Variants in TESC observed in about 807,000 individuals in gnomAD.
The protein encoded by TESC is tescalcin.
TESC carries 19 observed loss-of-function variants against 31.0 expected under a neutral mutation model. The observed-to-expected ratio is 0.61, with a 90% CI of 0.43 to 0.90. The LOEUF (loss-of-function observed/expected upper bound fraction) is 0.90, where lower values mean the gene tolerates loss of function less well. TESC is among the 40% of genes least tolerant of loss of function. The pLI is 0.00. For missense variants in TESC, 248 were observed against 303.8 expected (o/e 0.82, Z 1.36); for synonymous variants, 109 against 114.8 (o/e 0.95, Z 0.32).
chr12:117,066,768 C>T (rs1954890538), intron 2 of TESC, among the ~76,000 whole-genome samples: 1 of 152,094 alleles, frequency 6.6e-6, no homozygotes, highest in Non-Finnish European at 1.5e-5. Context: ...AGTGCCCCAG[C>T]AGGGGAAGGG....
chr12:117,049,903 G>GA (rs66797686), intron 3 of TESC, among the ~76,000 whole-genome samples: 1,107 of 86,446 alleles, frequency 0.013, 8 homozygotes, highest in East Asian at 0.044. Context: ...CCTGTCTCAA[G>GA]AAAAAAAAAA....
At chr12:117,081,875 G>T (rs2135793112) in intron 1 of TESC, among the ~76,000 whole-genome samples, 1 of 151,994 alleles carries the variant, frequency 6.6e-6, no homozygotes, top group South Asian at 2.1e-4. Flanking sequence ...CTGCACTCCA[G>T]CCTGGGCAAC....
intron 2 of TESC, among the ~76,000 whole-genome samples, chr12:117,073,835 C>A (rs1488661938): frequency 6.6e-6 from 1 of 152,144 alleles, no homozygotes; most frequent in Non-Finnish European, 1.5e-5. Context: ...ATCCCAGCCA[C>A]TCAGGAGGCT....
chr12:117,094,254 G>A (rs1444001594), intron 1 of TESC, among the ~76,000 whole-genome samples: 8 of 152,224 alleles, frequency 5.3e-5, no homozygotes, highest in Admixed American at 5.2e-4. Flanking sequence ...GCAGGGAGAA[G>A]GAAGGTGGGC....
chr12:117,093,141 T>C (rs547057324), intron 1 of TESC, among the ~76,000 whole-genome samples: 55 of 152,274 alleles, frequency 3.6e-4, no homozygotes, highest in African/African-American at 1.3e-3. Context: ...TATGCTACAG[T>C]TGTTGGGGTG....
intron 2 of TESC, among the ~76,000 whole-genome samples, chr12:117,060,103 TA>T (rs1954781843): frequency 6.6e-6 from 1 of 152,226 alleles, no homozygotes; most frequent in African/African-American, 2.4e-5. Context: ...TGAGGTGCTC[TA>T]AAGTGGACTG....
At chr12:117,041,863 G>T in intron 7 of TESC, 84 bp downstream of exon 7, 1 of 1,393,960 alleles carries the variant, frequency 7.2e-7, no homozygotes. Flanking sequence ...GCTACTGCAG[G>T]TAAAGAGCCA....
At position 117,039,061 on chromosome 12, in the gene TESC, C is replaced by G; in HGVS notation, c.*72G>C. 1 of 1,555,270 alleles carries G rather than the reference C, an allele frequency of 6.4e-7. No individual in the cohort carries two copies. Among genetic ancestry groups the G allele is most frequent in the Non-Finnish European group, 8.8e-7 (1 of 1,141,088 alleles). On this transcript the variant is annotated 3_prime_UTR_variant, in exon 8 of 8. Coordinates refer to ENST00000335209, the MANE Select transcript of TESC (RefSeq NM_017899.4). ...TGCAGGAAGAGGCTGTCCGCCGGGC[C>G]TGGGCTGCTCCAGCTACGCGGGGAG...
intron 7 of TESC, among the ~76,000 whole-genome samples, chr12:117,041,304 A>G (rs1420061042): frequency 2.0e-5 from 3 of 152,034 alleles, no homozygotes. Context: ...AGACACAGAA[A>G]GTTCCCAGAA....
intron 3 of TESC, among the ~76,000 whole-genome samples, chr12:117,052,468 G>A (rs1565961484): frequency 6.6e-6 from 1 of 152,306 alleles, no homozygotes; most frequent in Middle Eastern, 3.4e-3. Flanking sequence ...TCTGGGTGCA[G>A]GCCAGAGGAA....
intron 1 of TESC, among the ~76,000 whole-genome samples, chr12:117,091,373 T>G (rs140448985): frequency 6.6e-6 from 1 of 152,250 alleles, no homozygotes; most frequent in African/African-American, 2.4e-5. Flanking sequence ...GAAGAGCATC[T>G]TATCAACACC....
At chr12:117,089,272 GA>G (rs1250867416) in intron 1 of TESC, among the ~76,000 whole-genome samples, 1 of 152,168 alleles carries the variant, frequency 6.6e-6, no homozygotes, top group Non-Finnish European at 1.5e-5. Context: ...AAAAGCTTGA[GA>G]CACCTAGCAC....
intron 1 of TESC, among the ~76,000 whole-genome samples, chr12:117,075,913 A>ATATATATATATATATATGTG: frequency 1.9e-5 from 1 of 51,952 alleles, no homozygotes; most frequent in East Asian, 4.7e-4. Context: ...ATATATATAT[A>ATATATATATATATATATGTG]TGTGTGTGTG....
chr12:117,040,602 G>C lies in TESC; in HGVS notation c.567+1345C>G, dbSNP rs188763208. On this transcript the variant is annotated intron_variant, in intron 7 of 7. Coordinates refer to ENST00000335209, the MANE Select transcript of TESC (RefSeq NM_017899.4). ...GCTCTGGCGGGCGTCACCTTCTCTG[G>C]TGACCGGGTCCCCAGCATAGGCCAG... Among the ~76,000 whole-genome samples, 621 of 152,092 alleles carry C rather than the reference G, an allele frequency of 4.1e-3. 6 individuals carry two copies. The highest frequency in any genetic ancestry group is 4.8e-3 in the Non-Finnish European group (327 of 67,974).
chr12:117,085,280 T>G (rs7959940), intron 1 of TESC, among the ~76,000 whole-genome samples: 29,137 of 151,994 alleles, frequency 0.19, 3,810 homozygotes, highest in African/African-American at 0.37. Flanking sequence ...CATCTATCAG[T>G]CCAGGACATT....
At position 117,062,833 on chromosome 12, in the gene TESC, G is replaced by GA. The variant is rs760808635; in HGVS notation, c.129-5948_129-5947insT. Among the ~76,000 whole-genome samples, 246 of 152,350 alleles carry GA rather than the reference G, an allele frequency of 1.6e-3. 2 individuals carry two copies. In the Middle Eastern group the frequency reaches 0.017, roughly 11 times the overall value. ...GCTTTTCTAAAGGTGTCGCAGCCCAGGCTGCAGCCATGGGAACAGGCTCTG... is the reference window on the plus strand; with the variant it reads ...GCTTTTCTAAAGGTGTCGCAGCCCAGAGCTGCAGCCATGGGAACAGGCTCTG... On this transcript the variant is annotated intron_variant, in intron 2 of 7. Coordinates refer to ENST00000335209, the MANE Select transcript of TESC (RefSeq NM_017899.4).
intron 1 of TESC, among the ~76,000 whole-genome samples, chr12:117,096,014 T>G (rs1382106683): frequency 6.6e-6 from 1 of 152,188 alleles, no homozygotes; most frequent in Non-Finnish European, 1.5e-5. Context: ...TTTCCTCACC[T>G]GTAAAATGGC....
chr12:117,044,406 G>T (rs1361060441), intron 6 of TESC, among the ~76,000 whole-genome samples: 1 of 152,190 alleles, frequency 6.6e-6, no homozygotes, highest in African/African-American at 2.4e-5. Flanking sequence ...TCCCTGCCGG[G>T]CCTCCCTAGG....
At chr12:117,050,898 C>T (rs1954639377) in intron 3 of TESC, among the ~76,000 whole-genome samples, 1 of 152,242 alleles carries the variant, frequency 6.6e-6, no homozygotes, top group Non-Finnish European at 1.5e-5. Flanking sequence ...GCACTCCAGC[C>T]TGGGTGGCTA....
Sources: gnomAD v4.1 joint callset for allele counts (sites outside exome capture counted in the v4.1 genomes callset) on GRCh38, gnomAD v4.1.1 for gene constraint, MANE v1.5 for transcripts, NCBI Gene and HGNC (gene_info 2026-07-23, HGNC 2026-07-21) for gene names.